Variants in RAB5C observed in about 807,000 individuals in gnomAD.
RAB5C encodes the protein ras-related protein Rab-5C.
RAB5C carries 4 observed loss-of-function variants against 25.2 expected under a neutral mutation model. That is an observed-to-expected ratio of 0.16 (90% CI 0.08 to 0.36). The LOEUF (loss-of-function observed/expected upper bound fraction) is 0.36. RAB5C is among the 10% of genes least tolerant of loss of function. The pLI, the probability that RAB5C is intolerant of heterozygous loss-of-function variation, is 1.00. For synonymous variants in RAB5C, 100 were observed against 106.4 expected (o/e 0.94, Z 0.37); for missense variants, 199 against 283.8 (o/e 0.70, Z 2.15).
At chr17:42,154,684 G>C (rs1000343677) in intron 1 of RAB5C, 1 of 152,248 alleles carries the variant, frequency 6.6e-6, no homozygotes, top group African/African-American at 2.4e-5. Flanking sequence ...AGTCATAGCG[G>C]TTTCCTTAAG....
chr17:42,134,149 C>G (rs745440280), intron 1 of RAB5C, among the ~76,000 whole-genome samples: 2 of 152,036 alleles, frequency 1.3e-5, no homozygotes, highest in Admixed American at 1.3e-4. Flanking sequence ...AAGGCCAGAC[C>G]GAGAGCCCCA....
At chr17:42,131,591 C>G (rs1418022252) in intron 1 of RAB5C, 1 of 1,531,226 alleles carries the variant, frequency 6.5e-7, no homozygotes, top group Non-Finnish European at 8.8e-7. Context: ...CCAACTTTCC[C>G]TTTTTCAATA....
chr17:42,146,899 G>A (rs1216905390), intron 1 of RAB5C, among the ~76,000 whole-genome samples: 1 of 151,842 alleles, frequency 6.6e-6, no homozygotes, highest in Non-Finnish European at 1.5e-5. Context: ...CCAGCTACTC[G>A]AGAGGCTGAG....
chr17:42,149,995 C>A (rs1046836221), intron 1 of RAB5C, among the ~76,000 whole-genome samples: 2 of 151,798 alleles, frequency 1.3e-5, no homozygotes, highest in African/African-American at 4.8e-5. Context: ...TCCCAGGTTC[C>A]TGCCTAAGCC....
At chr17:42,147,152 G>A (rs71377264) in intron 1 of RAB5C, among the ~76,000 whole-genome samples, 1 of 89,474 alleles carries the variant, frequency 1.1e-5, no homozygotes, top group African/African-American at 7.0e-5. Flanking sequence ...GAAAGAGAGA[G>A]AGAGAGAGAG....
At chr17:42,133,130 C>T (rs1422140765) in intron 1 of RAB5C, among the ~76,000 whole-genome samples, 1 of 152,178 alleles carries the variant, frequency 6.6e-6, no homozygotes, top group Non-Finnish European at 1.5e-5. Flanking sequence ...GTGGGAGGAG[C>T]CGCCCAGAGC....
chr17:42,150,518 TG>T (rs1422291105), intron 1 of RAB5C, among the ~76,000 whole-genome samples: 1 of 107,468 alleles, frequency 9.3e-6, no homozygotes, highest in Non-Finnish European at 1.7e-5. Flanking sequence ...CACTCCAGCC[TG>T]GGAGACAAGA....
intron 1 of RAB5C, among the ~76,000 whole-genome samples, chr17:42,136,682 C>T (rs2054539794): frequency 6.6e-6 from 1 of 152,096 alleles, no homozygotes; most frequent in African/African-American, 2.4e-5. Flanking sequence ...GGTTTATTAC[C>T]CCAGAGGCTA....
intron 1 of RAB5C, among the ~76,000 whole-genome samples, chr17:42,135,921 C>T (rs1184316893): frequency 2.0e-5 from 3 of 152,134 alleles, no homozygotes; most frequent in Admixed American, 6.6e-5. Flanking sequence ...CCAGGGCAGG[C>T]GGGGCGTAGA....
At position 42,148,112 on chromosome 17, in the gene RAB5C, A is replaced by C. The variant is rs184009817; in HGVS notation, c.-89+6781T>G. Among the ~76,000 whole-genome samples the C allele has an allele frequency of 8.4e-4, 127 of 151,986 alleles. No individual in the cohort carries two copies. In the East Asian group the frequency reaches 8.7e-3, roughly 10 times the overall value. On this transcript the variant is annotated intron_variant, in intron 1 of 5. Coordinates refer to ENST00000346213, the MANE Select transcript of RAB5C (RefSeq NM_004583.4). ...AAACTCTGTCTCAAAAACAAACAAAAAAAAAGAAGTGGGCAAGGCTGGGCA... is the reference window on the plus strand; with the variant it reads ...AAACTCTGTCTCAAAAACAAACAAACAAAAAGAAGTGGGCAAGGCTGGGCA...
intron 1 of RAB5C, among the ~76,000 whole-genome samples, chr17:42,133,056 G>A (rs2054502224): frequency 6.6e-6 from 1 of 152,168 alleles, no homozygotes; most frequent in Non-Finnish European, 1.5e-5. Flanking sequence ...GTCCAGGAAG[G>A]TCTAGCTCTA....
intron 3 of RAB5C, 46 bp downstream of exon 3, chr17:42,128,603 T>G: frequency 7.0e-7 from 1 of 1,418,832 alleles, no homozygotes; most frequent in Non-Finnish European, 9.2e-7. Context: ...TCCCTGGGAC[T>G]TTGAGAAGAT....
Position 42,125,878 on chromosome 17 carries a change from C to T in RAB5C, c.556G>A (p.Glu186Lys), listed in dbSNP as rs2054416996. 1 of 1,610,598 alleles carries T rather than the reference C, an allele frequency of 6.2e-7. No individual in the cohort carries two copies. Among genetic ancestry groups the T allele is most frequent in the Non-Finnish European group, 8.5e-7 (1 of 1,178,634 alleles). ...GGAGCACCAGTTGCATTCTGGGGCT[C>T]GTTCTTGGGAAGCTTCTTAGCTGTT... Reference protein sequence around the residue: ...MAIAKKLPKNEPQNATGAPGR... With the variant: ...MAIAKKLPKNKPQNATGAPGR... The change falls in exon 6 of 6, where the codon GAG becomes AAG. Residue 186 changes from glutamate (E) to lysine (K), a missense_variant. Glu to Lys is a moderately conservative substitution (Grantham distance 56). Coordinates refer to ENST00000346213, the MANE Select transcript of RAB5C (RefSeq NM_004583.4).
At chr17:42,150,065 A>C (rs1341442927) in intron 1 of RAB5C, among the ~76,000 whole-genome samples, 2 of 151,818 alleles carry the variant, frequency 1.3e-5, no homozygotes, top group African/African-American at 4.8e-5. Flanking sequence ...TGGTATTTTT[A>C]GTAGAGATGG....
At chr17:42,139,220 C>T (rs1415128587) in intron 1 of RAB5C, among the ~76,000 whole-genome samples, 3 of 152,222 alleles carry the variant, frequency 2.0e-5, no homozygotes, top group Non-Finnish European at 2.9e-5. Context: ...CACAGAAGGG[C>T]CCCAGGCTTC....
chr17:42,140,507 ATATATATATTTTTTTTTTTTT>A (rs1480487596), intron 1 of RAB5C, among the ~76,000 whole-genome samples: 724 of 40,754 alleles, frequency 0.018, 7 homozygotes, highest in African/African-American at 0.067. Context: ...ATATATATAT[ATATATATATTTTTTTTTTTTT>A]TTTTTTTTTT....
rs531347093 is a variant in RAB5C at position 42,125,410 on chromosome 17, A to G, written c.*373T>C. 1.3e-4 allele frequency: 23 copies of G among 173,540 alleles called. No individual in the cohort carries two copies. Among genetic ancestry groups the G allele is most frequent in the Non-Finnish European group, 2.3e-4 (19 of 81,158 alleles). The allele number at this position is 173,540 out of a possible 1,614,324, so 10.8% of individuals were successfully genotyped here. ...GCTCTTGCTGGGTCCGCTGTTCCGC[A>G]GGAGGGAAAGAAAGGGTAGCTGCAC... On this transcript the variant is annotated 3_prime_UTR_variant, in exon 6 of 6. Coordinates refer to ENST00000346213, the MANE Select transcript of RAB5C (RefSeq NM_004583.4).
intron 2 of RAB5C, 55 bp from the exon 3 acceptor site, chr17:42,128,855 C>T: frequency 7.3e-7 from 1 of 1,371,714 alleles, no homozygotes; most frequent in Non-Finnish European, 9.5e-7. Context: ...CCACCCCACA[C>T]AATCCCACTG....
intron 5 of RAB5C, among the ~76,000 whole-genome samples, chr17:42,126,301 T>C (rs751787148): frequency 6.6e-6 from 1 of 151,318 alleles, no homozygotes; most frequent in African/African-American, 2.4e-5. Flanking sequence ...CATCTGGGAG[T>C]CAGGTGATGA....
Sources: gnomAD v4.1 joint callset for allele counts (sites outside exome capture counted in the v4.1 genomes callset) on GRCh38, gnomAD v4.1.1 for gene constraint, MANE v1.5 for transcripts, NCBI Gene and HGNC (gene_info 2026-07-23, HGNC 2026-07-21) for gene names.